Variants in RFX3 observed in about 807,000 individuals in gnomAD.
RFX3 encodes the protein transcription factor RFX3.
A neutral mutation model predicts 98.6 loss-of-function variants in RFX3; 14 were observed. That is an observed-to-expected ratio of 0.14 (90% CI 0.09 to 0.22). RFX3 has a LOEUF of 0.22. Among genes scored for constraint, RFX3 ranks in the 10% least tolerant of loss-of-function variants. The pLI, the probability that RFX3 is intolerant of heterozygous loss-of-function variation, is 1.00. For missense variants in RFX3, 639 were observed against 926.9 expected (o/e 0.69, Z 4.03); for synonymous variants, 383 against 328.4 (o/e 1.17, Z -1.80).
At chr9:3,251,808 A>G (rs563798836) in intron 14 of RFX3, among the ~76,000 whole-genome samples, 116 of 152,164 alleles carry the variant, frequency 7.6e-4, no homozygotes, top group African/African-American at 2.6e-3. Flanking sequence ...CTTTCTTTAT[A>G]TATTTCTAAG....
intron 1 of RFX3, among the ~76,000 whole-genome samples, chr9:3,396,508 C>T (rs926740464): frequency 9.9e-5 from 15 of 152,044 alleles, no homozygotes; most frequent in African/African-American, 1.9e-4. Flanking sequence ...CATATGTGTT[C>T]GTGTGTCTTT....
intron 1 of RFX3, among the ~76,000 whole-genome samples, chr9:3,477,338 T>C (rs1849360135): frequency 6.6e-6 from 1 of 152,220 alleles, no homozygotes; most frequent in South Asian, 2.1e-4. Context: ...TGTCCTTTCA[T>C]TTCAACCTGA....
At chr9:3,226,918 A>G (rs1243497729) in intron 16 of RFX3, among the ~76,000 whole-genome samples, 2 of 152,138 alleles carry the variant, frequency 1.3e-5, no homozygotes, top group Admixed American at 6.6e-5. Flanking sequence ...AAATTTTTCT[A>G]CGGAGCAAAT....
chr9:3,522,559 GT>G (rs1227872380), intron 1 of RFX3, among the ~76,000 whole-genome samples: 4 of 84,850 alleles, frequency 4.7e-5, no homozygotes, highest in African/African-American at 3.8e-4. Flanking sequence ...GTGTGTGCGT[GT>G]GTGTGTGTGT....
intron 6 of RFX3, among the ~76,000 whole-genome samples, chr9:3,291,234 G>C (rs1827286941): frequency 6.6e-6 from 1 of 152,044 alleles, no homozygotes; most frequent in African/African-American, 2.4e-5. Flanking sequence ...GCGTGGTGGA[G>C]TGGGGTGGTG....
At chr9:3,243,177 A>C (rs1450009238) in intron 15 of RFX3, among the ~76,000 whole-genome samples, 1 of 151,944 alleles carries the variant, frequency 6.6e-6, no homozygotes, top group Non-Finnish European at 1.5e-5. Flanking sequence ...CAGGTATGTA[A>C]ACAGATGCAA....
At chr9:3,514,472 G>GT (rs1244796495) in intron 1 of RFX3, among the ~76,000 whole-genome samples, 1 of 150,926 alleles carries the variant, frequency 6.6e-6, no homozygotes, top group African/African-American at 2.5e-5. Flanking sequence ...GTTTTGCTTT[G>GT]TTTTTTTGAG....
intron 1 of RFX3, among the ~76,000 whole-genome samples, chr9:3,460,818 T>C (rs756678432): frequency 8.6e-5 from 13 of 151,910 alleles, no homozygotes; most frequent in Non-Finnish European, 1.8e-4. Context: ...CTTCTATTTC[T>C]ACAGTGAGAA....
intron 2 of RFX3, among the ~76,000 whole-genome samples, chr9:3,375,791 T>A (rs1838403480): frequency 6.6e-6 from 1 of 152,064 alleles, no homozygotes; most frequent in Non-Finnish European, 1.5e-5. Context: ...AAACCCCGCC[T>A]CTACTAAAAA....
intron 2 of RFX3, among the ~76,000 whole-genome samples, chr9:3,392,780 G>C (rs1280757872): frequency 6.6e-6 from 1 of 152,036 alleles, no homozygotes; most frequent in Non-Finnish European, 1.5e-5. Context: ...ATTGGTGTTT[G>C]GCTTGTCCAT....
At chr9:3,250,173 C>A (rs1331529017) in intron 14 of RFX3, among the ~76,000 whole-genome samples, 1 of 151,606 alleles carries the variant, frequency 6.6e-6, no homozygotes, top group Non-Finnish European at 1.5e-5. Flanking sequence ...AAAAACAACA[C>A]AAAAATAAAA....
intron 3 of RFX3, among the ~76,000 whole-genome samples, chr9:3,339,407 C>A (rs924056769): frequency 1.3e-5 from 2 of 149,616 alleles, no homozygotes; most frequent in Non-Finnish European, 2.9e-5. Flanking sequence ...AGTAACCACA[C>A]ACATGTACGT....
At chr9:3,230,481 G>C (rs1029065972) in intron 15 of RFX3, among the ~76,000 whole-genome samples, 1 of 152,070 alleles carries the variant, frequency 6.6e-6, no homozygotes, top group Non-Finnish European at 1.5e-5. Flanking sequence ...TGATCACATA[G>C]GTCAGGTCTT....
rs574254728 is a variant in RFX3, at chr9:3,412,565, G to A, written c.-8-16969C>T. On this transcript the variant is annotated intron_variant, in intron 1 of 16. Transcript: ENST00000617270. ...AATATCATCTTCCTAAGGTAAATAT[G>A]TTAGTAAAAGTTTATAAAAGAAAGG... Among the ~76,000 whole-genome samples, 8 of 152,242 alleles carry A rather than the reference G, an allele frequency of 5.3e-5. No homozygotes were observed. The East Asian group carries it at 1.5e-3, about 29-fold the overall frequency.
intron 13 of RFX3, among the ~76,000 whole-genome samples, chr9:3,259,694 T>G (rs1563816335): frequency 6.6e-6 from 1 of 151,866 alleles, no homozygotes; most frequent in Non-Finnish European, 1.5e-5. Flanking sequence ...GCCATCGTAA[T>G]ACTATCAATT....
chr9:3,350,817 T>G (rs942179334), intron 2 of RFX3, among the ~76,000 whole-genome samples: 1 of 152,116 alleles, frequency 6.6e-6, no homozygotes, highest in Non-Finnish European at 1.5e-5. Flanking sequence ...TGAATGCGTA[T>G]GACCAAGTGA....
intron 15 of RFX3, among the ~76,000 whole-genome samples, chr9:3,245,167 A>G (rs1820494983): frequency 6.6e-6 from 1 of 152,240 alleles, no homozygotes; most frequent in Non-Finnish European, 1.5e-5. Flanking sequence ...GTAAAAGTAC[A>G]TATCAGAAAG....
intron 3 of RFX3, chr9:3,344,736 C>T (rs1834258408): frequency 4.7e-6 from 3 of 643,190 alleles, no homozygotes; most frequent in South Asian, 3.8e-5. Flanking sequence ...ACTGGGTGAC[C>T]TCTAGCAGTG....
chr9:3,288,206 T>C lies in RFX3; in HGVS notation c.776A>G (p.Asp259Gly), dbSNP rs1379483116. 6.2e-7 allele frequency: 1 copy of C among 1,612,082 alleles called. No homozygotes were observed. Among genetic ancestry groups the C allele is most frequent in the Non-Finnish European group, 8.5e-7 (1 of 1,178,382 alleles). The change falls in exon 7 of 17, where the codon GAT (aspartate) becomes GGT (glycine). Residue 259 changes from aspartate (D) to glycine (G), a missense_variant. Coordinates refer to ENST00000617270, the MANE Select transcript of RFX3 (RefSeq NM_001282116.2). ...TTCTTGCAGACGATTAAGAGGGGAA[T>C]CTGGCTTGACACGAATCCCATAGTA... ...YHYYGIRVKPDSPLNRLQEDM... is the reference protein window; with the variant it reads ...YHYYGIRVKPGSPLNRLQEDM...
Sources: gnomAD v4.1 joint callset for allele counts (sites outside exome capture counted in the v4.1 genomes callset) on GRCh38, gnomAD v4.1.1 for gene constraint, MANE v1.5 for transcripts, NCBI Gene and HGNC (gene_info 2026-07-23, HGNC 2026-07-21) for gene names.